Variants in ENTREP2 observed in about 807,000 individuals in gnomAD.
The protein encoded by ENTREP2 is protein ENTREP2.
At chr15:29,365,978 A>G in the ENTREP2 span, among the ~76,000 whole-genome samples, 2 of 152,194 alleles carry the variant, frequency 1.3e-5, no homozygotes, top group African/African-American at 4.8e-5. Flanking sequence ...ACCCAAATCT[A>G]ACAGCCATTG....
the ENTREP2 span, among the ~76,000 whole-genome samples, chr15:29,270,566 T>TA: frequency 6.6e-6 from 1 of 152,218 alleles, no homozygotes; most frequent in Admixed American, 6.5e-5. Flanking sequence ...CTCAAGAGAT[T>TA]ACTACTTAAT....
the ENTREP2 span, among the ~76,000 whole-genome samples, chr15:29,510,948 C>T: frequency 3.9e-5 from 6 of 151,986 alleles, no homozygotes; most frequent in Non-Finnish European, 7.4e-5. Flanking sequence ...GAAGAGAAAA[C>T]CAAACACCAC....
the ENTREP2 span, among the ~76,000 whole-genome samples, chr15:29,255,807 C>G: frequency 8.0e-4 from 121 of 152,136 alleles, 1 homozygote; most frequent in South Asian, 0.016. Flanking sequence ...TGAGACCATC[C>G]TGGCTAACAC....
the ENTREP2 span, among the ~76,000 whole-genome samples, chr15:29,204,838 T>C: frequency 6.6e-6 from 1 of 152,128 alleles, no homozygotes; most frequent in African/African-American, 2.4e-5. Context: ...CAACATAAAA[T>C]TTACCATCTT....
the ENTREP2 span, among the ~76,000 whole-genome samples, chr15:29,439,284 T>TACACACACACAC: frequency 2.9e-4 from 28 of 97,138 alleles, no homozygotes; most frequent in South Asian, 1.3e-3. Context: ...AAATTGGAAT[T>TACACACACACAC]ACACACACAC....
At chr15:29,202,532 A>G in the ENTREP2 span, among the ~76,000 whole-genome samples, 2 of 152,226 alleles carry the variant, frequency 1.3e-5, no homozygotes, top group East Asian at 1.9e-4. Flanking sequence ...GGTTTGTTAC[A>G]TAGGTATATA....
At chr15:29,562,645 T>C in the ENTREP2 span, among the ~76,000 whole-genome samples, 1 of 152,198 alleles carries the variant, frequency 6.6e-6, no homozygotes, top group Non-Finnish European at 1.5e-5. Context: ...AGAGTTTCAT[T>C]GTTTATTAGC....
chr15:29,647,853 A>G, the ENTREP2 span, among the ~76,000 whole-genome samples: 2 of 152,154 alleles, frequency 1.3e-5, no homozygotes, highest in Non-Finnish European at 2.9e-5. Flanking sequence ...AAGAGGTGGG[A>G]CATGATTTAG....
the ENTREP2 span, among the ~76,000 whole-genome samples, chr15:29,285,457 C>T: frequency 6.6e-6 from 1 of 152,186 alleles, no homozygotes; most frequent in South Asian, 2.1e-4. Flanking sequence ...TTTCCCAAAA[C>T]ATTTGAAAAA....
the ENTREP2 span, among the ~76,000 whole-genome samples, chr15:29,648,971 G>A: frequency 6.6e-6 from 1 of 151,028 alleles, no homozygotes; most frequent in African/African-American, 2.4e-5. Flanking sequence ...AACTGTACTA[G>A]ATGATAACCT....
chr15:29,444,425 T>C, the ENTREP2 span, among the ~76,000 whole-genome samples: 1 of 152,070 alleles, frequency 6.6e-6, no homozygotes, highest in Non-Finnish European at 1.5e-5. Flanking sequence ...ACTTTCCCTT[T>C]GGCATAGTGA....
At chr15:29,344,210 C>G in the ENTREP2 span, among the ~76,000 whole-genome samples, 1 of 152,212 alleles carries the variant, frequency 6.6e-6, no homozygotes, top group Non-Finnish European at 1.5e-5. Flanking sequence ...TTCCAGGGAA[C>G]AGGTGCCACC....
At chr15:29,282,050 G>A in the ENTREP2 span, among the ~76,000 whole-genome samples, 1 of 152,154 alleles carries the variant, frequency 6.6e-6, no homozygotes, top group Non-Finnish European at 1.5e-5. Context: ...TAGAAAGTCA[G>A]GATTTGTTTG....
At chr15:29,386,416 C>A in the ENTREP2 span, among the ~76,000 whole-genome samples, 1 of 152,226 alleles carries the variant, frequency 6.6e-6, no homozygotes, top group Non-Finnish European at 1.5e-5. Context: ...AAGCGAACCA[C>A]ACCCTTGTCA....
the ENTREP2 span, among the ~76,000 whole-genome samples, chr15:29,250,738 T>C: frequency 6.6e-6 from 1 of 152,158 alleles, no homozygotes; most frequent in Non-Finnish European, 1.5e-5. Context: ...TCATAGCACC[T>C]AGTATTTAGG....
the ENTREP2 span, among the ~76,000 whole-genome samples, chr15:29,609,178 C>G: frequency 6.7e-6 from 1 of 150,024 alleles, no homozygotes; most frequent in Middle Eastern, 3.2e-3. Flanking sequence ...TGCCTAGTTT[C>G]TGTGTGTCTG....
the ENTREP2 span, among the ~76,000 whole-genome samples, chr15:29,494,649 C>T: frequency 7.2e-5 from 11 of 152,212 alleles, no homozygotes; most frequent in Non-Finnish European, 1.2e-4. Context: ...TTCGCTTTGA[C>T]CAACACCTAC....
chr15:29,648,933 T>G, the ENTREP2 span, among the ~76,000 whole-genome samples: 6 of 147,428 alleles, frequency 4.1e-5, no homozygotes, highest in African/African-American at 1.5e-4. Context: ...GAGCGAAAAC[T>G]CTAAAAAAAA....
the ENTREP2 span, among the ~76,000 whole-genome samples, chr15:29,168,417 G>T: frequency 6.6e-6 from 1 of 152,202 alleles, no homozygotes; most frequent in African/African-American, 2.4e-5. Context: ...AAAGACTCTT[G>T]TTGGTAGCAC....
Sources: allele counts gnomAD v4.1 joint callset (sites outside exome capture counted in the v4.1 genomes callset), GRCh38; gene constraint gnomAD v4.1.1; transcripts MANE v1.5; gene names NCBI Gene and HGNC (gene_info 2026-07-23, HGNC 2026-07-21).